The following ST6GALNAC4 variants were observed in gnomAD, a reference collection of about 807,000 sequenced individuals.
The protein encoded by ST6GALNAC4 is ST6 N-acetylgalactosaminide alpha-2,6-sialyltransferase 4.
In ST6GALNAC4, 24 loss-of-function variants were observed where a neutral mutation model predicts 30.4. That is an observed-to-expected ratio of 0.79 (90% CI 0.57 to 1.11). The LOEUF is 1.11. ST6GALNAC4 is among the 50% of genes most tolerant of loss of function. ST6GALNAC4 has a pLI of 0.00. For missense variants in ST6GALNAC4, 365 were observed against 430.1 expected, an observed-to-expected ratio of 0.85 and a Z score of 1.34; for synonymous variants, 156 against 179.7, an observed-to-expected ratio of 0.87 and a Z score of 1.05.
At chr9:127,910,311 AG>A in intron 4 of ST6GALNAC4, 1 of 1,267,852 alleles carries the variant, frequency 7.9e-7, no homozygotes, top group Non-Finnish European at 1.0e-6. Context: ...TACGCTTTGC[AG>A]GGTTTGAGCA....
intron 4 of ST6GALNAC4, among the ~76,000 whole-genome samples, chr9:127,911,480 GCT>G (rs761206176): frequency 6.6e-6 from 1 of 152,142 alleles, no homozygotes; most frequent in Non-Finnish European, 1.5e-5. Context: ...GGCTGTTATT[GCT>G]CTGTTTTGTT....
At chr9:127,916,161 G>C (rs1831190291) in intron 2 of ST6GALNAC4, 1 of 586,808 alleles carries the variant, frequency 1.7e-6, no homozygotes, top group Non-Finnish European at 3.0e-6. Context: ...GGCTTTGCCT[G>C]GTGAGCTCGT....
chr9:127,912,919 T>C (rs749389029), intron 3 of ST6GALNAC4, among the ~76,000 whole-genome samples: 19 of 152,336 alleles, frequency 1.2e-4, no homozygotes, highest in Non-Finnish European at 1.3e-4. Context: ...ATATTTGTGG[T>C]CCTTATTCCT....
At chr9:127,910,669 G>A in intron 4 of ST6GALNAC4, 3 of 950,208 alleles carry the variant, frequency 3.2e-6, no homozygotes, top group South Asian at 4.8e-5. Flanking sequence ...CAGCAGCCCT[G>A]GGTACTCTTG....
In ST6GALNAC4 at chr9:127,910,026, C is replaced by T. The variant is rs1228399304; in HGVS notation, c.644G>A (p.Trp215Ter). 6.2e-7 allele frequency: 1 copy of T among 1,613,526 alleles called. No individual in the cohort carries two copies. The highest frequency in any genetic ancestry group is 1.7e-5 in the Admixed American group (1 of 60,022). Residue 215 changes from tryptophan (W) to a stop codon, truncating the protein, a stop_gained, in exon 5 of 6, where the codon TGG becomes TAG. Coordinates refer to ENST00000335791, the MANE Select transcript of ST6GALNAC4 (RefSeq NM_175039.4). LOFTEE classifies it high-confidence loss of function. ...RQSGSFLSTG[W>*]FTMILALELC... is the part of the protein sequence containing the mutation. ...CTCCAGCGCGAGGATCATGGTGAAC[C>T]AGCCGGTGCTGAGGAAGGAGCCCGA...
chr9:127,913,462 G>A (rs1362597729), intron 3 of ST6GALNAC4, among the ~76,000 whole-genome samples: 2 of 152,162 alleles, frequency 1.3e-5, no homozygotes, highest in Non-Finnish European at 2.9e-5. Flanking sequence ...GCACACGCCT[G>A]TAATCCCAGC....
rs777800746 is a variant in ST6GALNAC4, at chr9:127,912,541, G to T, written c.338C>A (p.Ala113Glu). 1 of 1,613,530 alleles carries T rather than the reference G, an allele frequency of 6.2e-7. No homozygotes were observed. Among genetic ancestry groups the T allele is most frequent in the East Asian group, 2.2e-5 (1 of 44,884 alleles). ...CAGGGTGCTGCGCTGGCCCACATCC[G>T]CCTCAAAGCCCACGGTGGGCGCCTG... ...MNQAPTVGFEADVGQRSTLRV... is the reference protein window; with the variant it reads ...MNQAPTVGFEEDVGQRSTLRV... The change falls in exon 4 of 6, where the codon GCG becomes GAG. Residue 113 changes from alanine (A) to glutamate (E), a missense_variant. Ala to Glu is a moderately radical substitution (Grantham distance 107). Coordinates refer to ENST00000335791, the MANE Select transcript of ST6GALNAC4 (RefSeq NM_175039.4).
intron 2 of ST6GALNAC4, 104 bp downstream of exon 2, chr9:127,916,303 AG>A: frequency 6.8e-7 from 1 of 1,462,372 alleles, no homozygotes; most frequent in Non-Finnish European, 9.6e-7. Context: ...GCTCAGCAGT[AG>A]GGAGGTCAGA....
In ST6GALNAC4 at chr9:127,908,398, A is replaced by T. The variant is rs1334342942; in HGVS notation, c.903T>A (p.Thr301=). ...PIVFAHPSWR[T]E ...ACTGGCAGGACGACGGAAGCTACTCAGTCCTCCAGGACGGATGGGCGAACA... is the reference window on the plus strand; with the variant it reads ...ACTGGCAGGACGACGGAAGCTACTCTGTCCTCCAGGACGGATGGGCGAACA... Residue 301 remains threonine, a synonymous_variant, in exon 6 of 6, where the codon ACT becomes ACA. Transcript: ENST00000335791. 1 of 1,548,238 alleles carries T rather than the reference A, an allele frequency of 6.5e-7. No homozygotes were observed. Among genetic ancestry groups the T allele is most frequent in the South Asian group, 1.2e-5 (1 of 83,272 alleles).
chr9:127,909,390 A>AG (rs1173619746), intron 5 of ST6GALNAC4, among the ~76,000 whole-genome samples: 5 of 144,916 alleles, frequency 3.5e-5, no homozygotes, highest in African/African-American at 1.3e-4. Context: ...ACTCCATCTC[A>AG]AAAAAAAAAA....
chr9:127,914,332 T>G (rs1368966196), intron 3 of ST6GALNAC4, among the ~76,000 whole-genome samples: 4 of 141,636 alleles, frequency 2.8e-5, no homozygotes, highest in Non-Finnish European at 6.1e-5. Flanking sequence ...AGGCAGAGGT[T>G]GCGTGAGCTG....
At position 127,916,899 on chromosome 9, in the gene ST6GALNAC4, C is replaced by A; in HGVS notation, c.-149G>T. 5.7e-6 allele frequency: 1 copy of A among 174,156 alleles called. No individual in the cohort carries two copies. Among genetic ancestry groups the A allele is most frequent in the African/African-American group, 2.4e-5 (1 of 42,194 alleles). The allele number at this position is 174,156 out of a possible 1,614,324, so 10.8% of individuals were successfully genotyped here. A position where few individuals can be genotyped will look rare whatever the true frequency, so the allele number is the denominator to read the frequency against. On this transcript the variant is annotated 5_prime_UTR_variant, in exon 1 of 6. Coordinates refer to ENST00000335791, the MANE Select transcript of ST6GALNAC4 (RefSeq NM_175039.4). ...GGTTTTTCACCGCCCTTCCAGATTC[C>A]ACTGCCGCATCTCCCGGCCGAATGC...
intron 2 of ST6GALNAC4, 24 bp from the exon 3 acceptor site, chr9:127,914,865 G>A (rs752768429): frequency 6.9e-7 from 1 of 1,449,730 alleles, no homozygotes; most frequent in Non-Finnish European, 9.1e-7. Flanking sequence ...TGGCCATGGG[G>A]GGGTGTATGT....
At position 127,916,070 on chromosome 9, in the gene ST6GALNAC4, A is replaced by C. The variant is rs150189204; in HGVS notation, c.12+338T>G. The C allele has an allele frequency of 1.6e-4, 70 of 441,288 alleles. No individual in the cohort carries two copies. In the East Asian group the frequency reaches 2.8e-3, roughly 17 times the overall value. The allele number at this position is 441,288 out of a possible 1,614,324, so 27.3% of individuals were successfully genotyped here. On this transcript the variant is annotated intron_variant, in intron 2 of 5. Coordinates refer to ENST00000335791, the MANE Select transcript of ST6GALNAC4 (RefSeq NM_175039.4). The stretch of plus-strand genomic sequence containing the variant: ...TCGAGATGAACTGCCCCCCACATCC[A>C]GCTCTCTCTCTCACAGCCCGGGGCT...
chr9:127,914,780 C>T lies in ST6GALNAC4; in HGVS notation c.74G>A (p.Cys25Tyr), dbSNP rs1334037736. 6.2e-7 allele frequency: 1 copy of T among 1,601,344 alleles called. No individual in the cohort carries two copies. The highest frequency in any genetic ancestry group is 1.7e-4 in the Middle Eastern group (1 of 5,970). Residue 25 changes from cysteine to tyrosine, a missense_variant, in exon 3 of 6, where the codon TGC (cysteine) becomes TAC (tyrosine). By Grantham distance (194) the Cys-to-Tyr change is radical. Transcript: ENST00000335791. ...VVFSAVYILL[C>Y]CWAGLPLCLA... ...GCAGAGGGGCAGGCCGGCCCAGCAG[C>T]ACAGGAGGATGTAGACGGCAGAGAA...
At position 127,913,483 on chromosome 9, in the gene ST6GALNAC4, A is replaced by G. The variant is rs183683506; in HGVS notation, c.199-803T>C. Among the ~76,000 whole-genome samples the G allele has an allele frequency of 2.5e-3, 385 of 152,152 alleles. 2 individuals are homozygous for G. Among genetic ancestry groups the G allele is most frequent in the African/African-American group, 8.9e-3 (369 of 41,534 alleles). On this transcript the variant is annotated intron_variant, in intron 3 of 5. Coordinates refer to ENST00000335791, the MANE Select transcript of ST6GALNAC4 (RefSeq NM_175039.4). ...GCCTGTAATCCCAGCTACTCAGGAG[A>G]CTGAGGCAGAAGAATCCCTTGAACC...
In ST6GALNAC4 at chr9:127,912,294, G is replaced by C. The variant is rs1182793772; in HGVS notation, c.585C>G (p.Ile195Met). The C allele has an allele frequency of 5.0e-6, 8 of 1,612,492 alleles. No homozygotes were observed. Among genetic ancestry groups the C allele is most frequent in the Non-Finnish European group, 5.9e-6 (7 of 1,179,188 alleles). ...GGTTCTTGCCCGTCTCGTCCTGGAA[G>C]ATCTGGTCGCAGTAGGCCATCATGC... ...TERMMAYCDQ[I>M]FQDETGKNRR... Residue 195 changes from isoleucine (I) to methionine (M), a missense_variant, in exon 4 of 6, where the codon ATC (isoleucine) becomes ATG (methionine). Ile to Met is a conservative substitution (Grantham distance 10, BLOSUM62 1). Coordinates refer to ENST00000335791, the MANE Select transcript of ST6GALNAC4 (RefSeq NM_175039.4).
chr9:127,915,733 G>A (rs926752151), intron 2 of ST6GALNAC4, among the ~76,000 whole-genome samples: 1 of 152,168 alleles, frequency 6.6e-6, no homozygotes, highest in Admixed American at 6.5e-5. Flanking sequence ...GGCCACCCTG[G>A]TCACCACGTG....
Position 127,916,831 on chromosome 9 carries a change from T to G in ST6GALNAC4, c.-81A>C. 1 of 236,828 alleles carries G rather than the reference T, an allele frequency of 4.2e-6. No homozygotes were observed. The highest frequency in any genetic ancestry group is 8.4e-6 in the Non-Finnish European group (1 of 119,618). 14.7% of individuals were successfully genotyped at this position (236,828 alleles called of 1,614,324 possible). On this transcript the variant is annotated 5_prime_UTR_variant, in exon 1 of 6. Transcript: ENST00000335791. Reference sequence around the variant, plus strand: ...TTCCACCCCATCCATCCTACCTCTCTACCCGGGGGACGAATGGAGAGGCCG... The same window carrying G: ...TTCCACCCCATCCATCCTACCTCTCGACCCGGGGGACGAATGGAGAGGCCG...
Sources: allele counts gnomAD v4.1 joint callset (sites outside exome capture counted in the v4.1 genomes callset), GRCh38; gene constraint gnomAD v4.1.1; transcripts MANE v1.5; gene names NCBI Gene and HGNC (gene_info 2026-07-23, HGNC 2026-07-21).